AGBL1: variants seen among roughly 807,000 people sequenced by gnomAD.
AGBL1 encodes the protein cytosolic carboxypeptidase 4.
AGBL1 carries 130 observed loss-of-function variants against 118.9 expected under a neutral mutation model. That is an observed-to-expected ratio of 1.09 (90% confidence interval 0.95 to 1.26). The LOEUF (loss-of-function observed/expected upper bound fraction) is 1.26, where lower values mean the gene tolerates loss of function less well. Ranked by LOEUF, AGBL1 falls within the 50% of genes most tolerant of loss-of-function variation. The probability of loss-of-function intolerance (pLI) is 0.00; values close to 1 mark genes in which losing one functional copy is unlikely to be tolerated. For missense variants in AGBL1, 1,584 were observed against 1,298.1 expected, an observed-to-expected ratio of 1.22 and a Z score of -3.38; for synonymous variants, 555 against 478.9, an observed-to-expected ratio of 1.16 and a Z score of -2.08.
chr15:86,424,945 G>A (rs997037339), intron 18 of AGBL1, among the ~76,000 whole-genome samples: 1 of 152,156 alleles, frequency 6.6e-6, no homozygotes, highest in South Asian at 2.1e-4. Flanking sequence ...GTTGGTGGGA[G>A]TGTAAATTAG....
chr15:86,781,929 A>C (rs1206347844), intron 22 of AGBL1, among the ~76,000 whole-genome samples: 1 of 151,938 alleles, frequency 6.6e-6, no homozygotes, highest in Non-Finnish European at 1.5e-5. Flanking sequence ...TAACAGAATC[A>C]TGGCTTTTAC....
At chr15:86,247,938 T>G in intron 7 of AGBL1, 59 bp downstream of exon 7, 1 of 1,565,608 alleles carries the variant, frequency 6.4e-7, no homozygotes. Context: ...TCCTGAAGGC[T>G]GTCATTTAGG....
rs1480345410 is a variant in AGBL1, at chr15:86,276,204, T to A, written c.2076-3435T>A. Among the ~76,000 whole-genome samples, 3 of 152,348 alleles carry A rather than the reference T, an allele frequency of 2.0e-5. No homozygotes were observed. In the East Asian group the frequency reaches 5.8e-4, roughly 29 times the overall value. ...ACTGTAAGTTCATAGGCAGCTCTGA[T>A]TTATGAAGATCAAAACTTCAGATTC... On this transcript the variant is annotated intron_variant, in intron 15 of 22. Transcript: ENST00000614907.
At chr15:86,259,877 C>T (rs189682536) in intron 9 of AGBL1, among the ~76,000 whole-genome samples, 21 of 152,262 alleles carry the variant, frequency 1.4e-4, no homozygotes, top group Middle Eastern at 6.8e-3. Context: ...ACCGGGTGCA[C>T]GATAGTGCCT....
At chr15:86,306,603 TA>T (rs1829281678) in intron 17 of AGBL1, among the ~76,000 whole-genome samples, 1 of 152,212 alleles carries the variant, frequency 6.6e-6, no homozygotes, top group Non-Finnish European at 1.5e-5. Flanking sequence ...TTAGCTATTG[TA>T]AAAACAGTGC....
chr15:86,119,442 C>T (rs756548845), intron 1 of AGBL1, among the ~76,000 whole-genome samples: 9 of 151,956 alleles, frequency 5.9e-5, no homozygotes, highest in Admixed American at 2.0e-4. Flanking sequence ...ATACTGCCAA[C>T]GGTTGCTGAG....
chr15:86,336,649 G>A (rs114500474), intron 17 of AGBL1, among the ~76,000 whole-genome samples: 1 of 152,272 alleles, frequency 6.6e-6, no homozygotes, highest in African/African-American at 2.4e-5. Context: ...ACACTTTCCA[G>A]CTCTGATCCA....
At chr15:86,464,433 C>A (rs1468389214) in intron 18 of AGBL1, among the ~76,000 whole-genome samples, 2 of 152,162 alleles carry the variant, frequency 1.3e-5, no homozygotes, top group East Asian at 3.8e-4. Context: ...CCCCTTATTT[C>A]TTTCTCTTGC....
At chr15:87,019,663 A>G (rs374564361) in intron 24 of AGBL1, among the ~76,000 whole-genome samples, 1 of 151,998 alleles carries the variant, frequency 6.6e-6, no homozygotes, top group Non-Finnish European at 1.5e-5. Context: ...GCCCACATTA[A>G]AAAACTAGAA....
At chr15:86,276,301 A>G (rs1034637484) in intron 15 of AGBL1, among the ~76,000 whole-genome samples, 1 of 152,222 alleles carries the variant, frequency 6.6e-6, no homozygotes, top group Admixed American at 6.5e-5. Flanking sequence ...GATATAATAA[A>G]AAAATTTTAG....
At chr15:86,599,307 G>A (rs925216623) in intron 21 of AGBL1, among the ~76,000 whole-genome samples, 3 of 151,634 alleles carry the variant, frequency 2.0e-5, no homozygotes, top group African/African-American at 7.3e-5. Context: ...TAAAGACTGT[G>A]TGAATCATGT....
At chr15:86,723,590 G>T (rs1219917743) in intron 22 of AGBL1, among the ~76,000 whole-genome samples, 1 of 152,078 alleles carries the variant, frequency 6.6e-6, no homozygotes, top group African/African-American at 2.4e-5. Flanking sequence ...CACCAACATG[G>T]CACGTGTATA....
At chr15:86,828,205 A>G (rs2079058527) in intron 22 of AGBL1, among the ~76,000 whole-genome samples, 1 of 151,650 alleles carries the variant, frequency 6.6e-6, no homozygotes, top group Admixed American at 6.6e-5. Flanking sequence ...GGCTTCCCAA[A>G]GTTCTGAGAT....
rs1261815080 is a variant in AGBL1 at position 86,236,932 on chromosome 15, C to CGGG, written c.527-10732_527-10730dup. On this transcript the variant is annotated intron_variant, in intron 6 of 22. Coordinates refer to ENST00000614907, the MANE Select transcript of AGBL1 (RefSeq NM_001386094.1). ...TTCCACACACACGGGGATATGTGGG[C>CGGG]GGGGGGGGGCGGGGGGGGGCGGGGG... 4.1e-3 allele frequency among the ~76,000 whole-genome samples: 38 copies of CGGG among 9,334 alleles called. 1 individual carries two copies. The highest frequency in any genetic ancestry group is 8.9e-3 in the Admixed American group (8 of 896). 6.1% of individuals were successfully genotyped at this position (9,334 alleles called of 152,430 possible). A position where few individuals can be genotyped will look rare whatever the true frequency, so the allele number is the denominator to read the frequency against.
chr15:86,711,392 T>C lies in AGBL1; in HGVS notation c.3158+36956T>C, dbSNP rs533980529. Among the ~76,000 whole-genome samples the C allele has an allele frequency of 2.0e-5, 3 of 152,316 alleles. No individual in the cohort carries two copies. In the East Asian group the frequency reaches 5.8e-4, roughly 29 times the overall value. On this transcript the variant is annotated intron_variant, in intron 22 of 22. Coordinates refer to ENST00000614907, the MANE Select transcript of AGBL1 (RefSeq NM_001386094.1). Reference sequence around the variant, plus strand: ...AAGATATGGCAAGAAGCCTCATGTATCCACCTTGTCACTGACATCTGTTCT... The same window carrying C: ...AAGATATGGCAAGAAGCCTCATGTACCCACCTTGTCACTGACATCTGTTCT...
intron 17 of AGBL1, among the ~76,000 whole-genome samples, chr15:86,363,712 A>G (rs57713941): frequency 3.0e-3 from 457 of 152,278 alleles, no homozygotes; most frequent in African/African-American, 0.011. Context: ...TCATTAATTT[A>G]GGCCTGACTT....
chr15:86,627,004 AT>A lies in AGBL1; in HGVS notation c.2995-47255del, dbSNP rs529625807. Among the ~76,000 whole-genome samples, 397 of 139,974 alleles carry A rather than the reference AT, an allele frequency of 2.8e-3. 1 individual carries two copies. The highest frequency in any genetic ancestry group is 3.6e-3 in the Middle Eastern group (1 of 276). 91.8% of individuals were successfully genotyped at this position (139,974 alleles called of 152,430 possible). A position where few individuals can be genotyped will look rare whatever the true frequency, so the allele number is the denominator to read the frequency against. On this transcript the variant is annotated intron_variant, in intron 21 of 22. Coordinates refer to ENST00000614907, the MANE Select transcript of AGBL1 (RefSeq NM_001386094.1). ...AGGTGCCTGCCACAACGACCAGCTAATTTTTTTTTTTTTTAGATGGAGTTTT... is the reference window on the plus strand; with the variant it reads ...AGGTGCCTGCCACAACGACCAGCTAATTTTTTTTTTTTTAGATGGAGTTTT...
chr15:86,835,009 A>G (rs1349625103), intron 22 of AGBL1, among the ~76,000 whole-genome samples: 1 of 152,134 alleles, frequency 6.6e-6, no homozygotes, highest in Non-Finnish European at 1.5e-5. Context: ...ACTTGCTACC[A>G]TGCAGTGAAC....
At chr15:86,271,885 G>T (rs1036479116) in intron 15 of AGBL1, among the ~76,000 whole-genome samples, 179 bp downstream of exon 15, 1 of 152,178 alleles carries the variant, frequency 6.6e-6, no homozygotes, top group Non-Finnish European at 1.5e-5. Flanking sequence ...TCACTGGCAC[G>T]CACAGTAGAC....
Sources: allele counts gnomAD v4.1 joint callset (sites outside exome capture counted in the v4.1 genomes callset), GRCh38; gene constraint gnomAD v4.1.1; transcripts MANE v1.5; gene names NCBI Gene and HGNC (gene_info 2026-07-23, HGNC 2026-07-21).